Variants in NRCAM observed in about 807,000 individuals in gnomAD.
NRCAM encodes the protein neuronal cell adhesion molecule.
In NRCAM, 83 loss-of-function variants were observed where a neutral mutation model predicts 156.5. The observed-to-expected ratio is 0.53, with a 90% CI of 0.44 to 0.64. The LOEUF is 0.64. Among genes scored for constraint, NRCAM ranks in the 30% least tolerant of loss-of-function variants. The pLI, the probability that NRCAM is intolerant of heterozygous loss-of-function variation, is 0.00. For synonymous variants in NRCAM, 538 were observed against 563.9 expected, an observed-to-expected ratio of 0.95 and a Z score of 0.65; for missense variants, 1,417 against 1,597.3, an observed-to-expected ratio of 0.89 and a Z score of 1.92.
chr7:108,154,428 C>T (rs908214328), intron 32 of NRCAM, among the ~76,000 whole-genome samples: 1 of 152,126 alleles, frequency 6.6e-6, no homozygotes, highest in African/African-American at 2.4e-5. Flanking sequence ...ATAATATTTG[C>T]TTGTTGATTC....
At chr7:108,200,802 G>C (rs918732600) in intron 13 of NRCAM, among the ~76,000 whole-genome samples, 3 of 146,722 alleles carry the variant, frequency 2.0e-5, no homozygotes, top group African/African-American at 7.6e-5. Flanking sequence ...ATACTACTCA[G>C]CCATACAAAG....
At chr7:108,165,141 T>A (rs991510444) in intron 30 of NRCAM, among the ~76,000 whole-genome samples, 2 of 152,098 alleles carry the variant, frequency 1.3e-5, no homozygotes, top group African/African-American at 4.8e-5. Context: ...CCTGCAGGGG[T>A]CCAGAATCAC....
intron 17 of NRCAM, among the ~76,000 whole-genome samples, chr7:108,193,764 G>C (rs1054749901): frequency 3.9e-5 from 6 of 152,172 alleles, no homozygotes; most frequent in Admixed American, 6.5e-5. Context: ...CCAGGCCTGA[G>C]GGTTTTTTCC....
At chr7:108,351,397 C>T (rs905119707) in intron 2 of NRCAM, among the ~76,000 whole-genome samples, 2 of 152,200 alleles carry the variant, frequency 1.3e-5, no homozygotes, top group Non-Finnish European at 2.9e-5. Flanking sequence ...TCTTCAACAG[C>T]CACAACTTAC....
intron 8 of NRCAM, among the ~76,000 whole-genome samples, chr7:108,228,708 G>A (rs1336211308): frequency 6.6e-6 from 1 of 152,048 alleles, no homozygotes; most frequent in Non-Finnish European, 1.5e-5. Context: ...TCTTTATTAA[G>A]CAAAAAGGTC....
intron 2 of NRCAM, among the ~76,000 whole-genome samples, chr7:108,339,016 C>A (rs2154265519): frequency 6.6e-6 from 1 of 152,316 alleles, no homozygotes; most frequent in South Asian, 2.1e-4. Flanking sequence ...CTCACCAGTT[C>A]AGAATTATTC....
chr7:108,180,299 T>C lies in NRCAM; in HGVS notation c.2775A>G (p.Thr925=). ...LPGLEPFSHY[T]LNVRVVNGKG... The stretch of plus-strand genomic sequence containing the variant: ...TCCCATTGACCACTCGGACATTCAG[T>C]GTGTAGTGGCTAAAGGGCTCTAGCC... Residue 925 remains threonine, a synonymous_variant, in exon 25 of 33, where the codon ACA becomes ACG. Coordinates refer to ENST00000379028, the MANE Select transcript of NRCAM (RefSeq NM_001037132.4). 1 of 1,614,166 alleles carries C rather than the reference T, an allele frequency of 6.2e-7. No homozygotes were observed. The highest frequency in any genetic ancestry group is 8.5e-7 in the Non-Finnish European group (1 of 1,180,020).
At chr7:108,383,125 C>T (rs1288383007) in intron 2 of NRCAM, among the ~76,000 whole-genome samples, 2 of 126,674 alleles carry the variant, frequency 1.6e-5, no homozygotes, top group Non-Finnish European at 3.5e-5. Context: ...ACACCACACA[C>T]ACACACACGC....
At chr7:108,263,822 C>G in intron 3 of NRCAM, among the ~76,000 whole-genome samples, 1 of 152,224 alleles carries the variant, frequency 6.6e-6, no homozygotes, top group East Asian at 1.9e-4. Flanking sequence ...TCATACCAGT[C>G]CAGCAATCTG....
intron 32 of NRCAM, among the ~76,000 whole-genome samples, chr7:108,157,697 T>G (rs1325306087): frequency 6.6e-6 from 1 of 151,970 alleles, no homozygotes; most frequent in African/African-American, 2.4e-5. Flanking sequence ...TTTAATGGAG[T>G]AGGCAGCAGT....
intron 3 of NRCAM, among the ~76,000 whole-genome samples, chr7:108,287,885 AAAG>A (rs1325797295): frequency 6.6e-6 from 1 of 152,120 alleles, no homozygotes; most frequent in East Asian, 1.9e-4. Flanking sequence ...CCAAAGGAAA[AAAG>A]ATCATTTTAT....
At chr7:108,360,185 T>C (rs889410232) in intron 2 of NRCAM, among the ~76,000 whole-genome samples, 2 of 152,192 alleles carry the variant, frequency 1.3e-5, no homozygotes, top group South Asian at 2.1e-4. Context: ...ATTCAGACAA[T>C]AGTGGAGTAG....
intron 3 of NRCAM, among the ~76,000 whole-genome samples, chr7:108,256,016 C>A (rs1410628278): frequency 5.3e-5 from 8 of 151,588 alleles, no homozygotes; most frequent in Non-Finnish European, 1.0e-4. Context: ...GGGGGCAGCC[C>A]CCGCCCGGCC....
intron 2 of NRCAM, among the ~76,000 whole-genome samples, chr7:108,346,366 T>C (rs1290430046): frequency 6.6e-6 from 1 of 152,224 alleles, no homozygotes; most frequent in Admixed American, 6.5e-5. Flanking sequence ...TATGCTTTTT[T>C]ACATGTTAAA....
chr7:108,226,273 T>A lies in NRCAM; in HGVS notation c.656A>T (p.Tyr219Phe), dbSNP rs1234089060. The change falls in exon 9 of 33, where the codon TAT (tyrosine) becomes TTT (phenylalanine). Residue 219 changes from tyrosine to phenylalanine, a missense_variant. By Grantham distance (22) the Tyr-to-Phe change is conservative (BLOSUM62 3). Coordinates refer to ENST00000379028, the MANE Select transcript of NRCAM (RefSeq NM_001037132.4). ...GGTTTGAGTATGATTAAATCTAGCA[T>A]AACAGATATAGTCTTCGCGGGTGTC... is the stretch of plus-strand genomic sequence containing the variant. ...PEDTREDYIC[Y>F]ARFNHTQTIQ... 6.2e-7 allele frequency: 1 copy of A among 1,610,294 alleles called. No individual in the cohort carries two copies. The highest frequency in any genetic ancestry group is 8.5e-7 in the Non-Finnish European group (1 of 1,177,556).
chr7:108,280,336 C>CT, intron 3 of NRCAM, among the ~76,000 whole-genome samples: 1 of 152,374 alleles, frequency 6.6e-6, no homozygotes, highest in South Asian at 2.1e-4. Context: ...CTCTTACTCC[C>CT]TCTCTGCCAA....
At chr7:108,169,480 C>T (rs760174706) in intron 28 of NRCAM, among the ~76,000 whole-genome samples, 5 of 152,096 alleles carry the variant, frequency 3.3e-5, no homozygotes, top group Non-Finnish European at 7.4e-5. Context: ...AATGTAGACG[C>T]TCAAGACCTT....
At chr7:108,350,889 A>G (rs2099407452) in intron 2 of NRCAM, among the ~76,000 whole-genome samples, 1 of 152,094 alleles carries the variant, frequency 6.6e-6, no homozygotes, top group Admixed American at 6.6e-5. Context: ...GTACTTGTTG[A>G]TTGGGATCCC....
At chr7:108,217,683 C>T (rs919305505) in intron 11 of NRCAM, among the ~76,000 whole-genome samples, 2 of 152,156 alleles carry the variant, frequency 1.3e-5, no homozygotes, top group African/African-American at 2.4e-5. Context: ...GTAGGCTCTG[C>T]CCAGTTCAAA....
Sources: gnomAD v4.1 joint callset for allele counts (sites outside exome capture counted in the v4.1 genomes callset) on GRCh38, gnomAD v4.1.1 for gene constraint, MANE v1.5 for transcripts, NCBI Gene and HGNC (gene_info 2026-07-23, HGNC 2026-07-21) for gene names.